MOCOS: variants seen among roughly 807,000 people sequenced by gnomAD.
MOCOS encodes molybdenum cofactor sulfurase.
MOCOS carries 86 observed loss-of-function variants against 83.6 expected under a neutral mutation model. That is an observed-to-expected ratio of 1.03 (90% confidence interval 0.86 to 1.23). The LOEUF (loss-of-function observed/expected upper bound fraction) is 1.23, where lower values mean the gene tolerates loss of function less well. MOCOS is among the 50% of genes most tolerant of loss of function. MOCOS has a pLI of 0.00. For synonymous variants in MOCOS, 445 were observed against 434.7 expected (o/e 1.02, Z -0.29); for missense variants, 1,120 against 1,126.9 (o/e 0.99, Z 0.09).
intron 1 of MOCOS, among the ~76,000 whole-genome samples, chr18:36,194,159 G>T (rs1317582328): frequency 6.6e-6 from 1 of 151,980 alleles, no homozygotes; most frequent in African/African-American, 2.4e-5. Context: ...GGAGTGATTG[G>T]TAATGATATG....
chr18:36,219,578 C>T (rs1240627227), intron 8 of MOCOS, among the ~76,000 whole-genome samples: 2 of 152,092 alleles, frequency 1.3e-5, no homozygotes, highest in African/African-American at 4.8e-5. Flanking sequence ...ACTCAGGAGG[C>T]TGAGGCAGGA....
Position 36,187,638 on chromosome 18 carries a change from C to T in MOCOS, c.99C>T (p.Gly33=). The change falls in exon 1 of 15, where the codon GGC becomes GGT. Residue 33 remains glycine, a synonymous_variant. Transcript: ENST00000261326. ...GGCTAGCCTACGGCTACGGCCCGGG[C>T]AGCCTGCGCGAGCTGCGGGCGCGCG... ...APRLAYGYGP[G]SLRELRAREF... is the part of the protein sequence containing the mutation. 1 of 1,251,006 alleles carries T rather than the reference C, an allele frequency of 8.0e-7. No individual in the cohort carries two copies. Among genetic ancestry groups the T allele is most frequent in the South Asian group, 3.6e-5 (1 of 27,968 alleles). The allele number at this position is 1,251,006 out of a possible 1,614,324, so 77.5% of individuals were successfully genotyped here.
intron 13 of MOCOS, among the ~76,000 whole-genome samples, chr18:36,265,872 A>G (rs1231025602): frequency 6.6e-6 from 1 of 152,148 alleles, no homozygotes; most frequent in African/African-American, 2.4e-5. Flanking sequence ...TACGTGCATG[A>G]TATAATTTTA....
chr18:36,213,797 C>T (rs1322420196), intron 7 of MOCOS, among the ~76,000 whole-genome samples: 2 of 151,968 alleles, frequency 1.3e-5, no homozygotes, highest in African/African-American at 4.8e-5. Context: ...GGCATGATGG[C>T]ATGCGCCTGT....
At chr18:36,237,457 C>G (rs1391301234) in intron 9 of MOCOS, among the ~76,000 whole-genome samples, 1 of 152,150 alleles carries the variant, frequency 6.6e-6, no homozygotes, top group Non-Finnish European at 1.5e-5. Context: ...TATATTGAAC[C>G]AGCCTTGCAT....
rs1236666051 is a variant in MOCOS, at chr18:36,200,284, G to A, written c.901G>A (p.Gly301Arg). Residue 301 changes from glycine (G) to arginine (R), a missense_variant, in exon 4 of 15, where the codon GGA becomes AGA. By Grantham distance (125) the Gly-to-Arg change is moderately radical. Transcript: ENST00000261326. ...AGGGACAGCCTCTGCGTACCTAGCA[G>A]GAGAAGACTTCTACATCCCGAGGCA... ...GGGTASAYLAGEDFYIPRQSV... is the reference protein window; with the variant it reads ...GGGTASAYLAREDFYIPRQSV... 1 of 1,614,162 alleles carries A rather than the reference G, an allele frequency of 6.2e-7. No homozygotes were observed. The highest frequency in any genetic ancestry group is 1.7e-5 in the Admixed American group (1 of 60,020).
At chr18:36,218,851 T>C (rs2091484848) in intron 8 of MOCOS, among the ~76,000 whole-genome samples, 1 of 146,988 alleles carries the variant, frequency 6.8e-6, no homozygotes, top group African/African-American at 2.5e-5. Context: ...ATTTATTTAT[T>C]TATTTATTTA....
intron 6 of MOCOS, among the ~76,000 whole-genome samples, chr18:36,207,398 C>A (rs2091438732): frequency 6.6e-6 from 1 of 152,178 alleles, no homozygotes; most frequent in South Asian, 2.1e-4. Context: ...AGTGGCTAAG[C>A]TAATTTACAT....
intron 13 of MOCOS, among the ~76,000 whole-genome samples, chr18:36,265,672 T>C (rs1343350772): frequency 6.6e-6 from 1 of 152,168 alleles, no homozygotes; most frequent in African/African-American, 2.4e-5. Flanking sequence ...GTATGACCTG[T>C]ATTAAGAAAT....
At chr18:36,223,602 G>A (rs777733676) in intron 9 of MOCOS, among the ~76,000 whole-genome samples, 11 of 152,048 alleles carry the variant, frequency 7.2e-5, no homozygotes, top group Admixed American at 1.3e-4. Context: ...ATGAATTTTA[G>A]GATCGTTCTT....
intron 11 of MOCOS, 51 bp downstream of exon 11, chr18:36,251,334 T>C: frequency 6.2e-7 from 1 of 1,604,960 alleles, no homozygotes; most frequent in Non-Finnish European, 8.5e-7. Flanking sequence ...GGCTTACCCT[T>C]GCACACATCA....
At position 36,201,061 on chromosome 18, in the gene MOCOS, G is replaced by A. The variant is rs373766640; in HGVS notation, c.941+737G>A. 6.8e-4 allele frequency among the ~76,000 whole-genome samples: 104 copies of A among 152,318 alleles called. No homozygotes were observed. In the South Asian group the frequency reaches 0.021, roughly 31 times the overall value. On this transcript the variant is annotated intron_variant, in intron 4 of 14. Transcript: ENST00000261326. ...GACCTGTAAGGTCGAGTGTGTCAAG[G>A]CTGAAAATGGTGGCTGATCCAGGGT...
At position 36,260,226 on chromosome 18, in the gene MOCOS, T is replaced by C. The variant is rs376604601; in HGVS notation, c.2409+51T>C. Reference sequence around the variant, plus strand: ...CTTCCTCCAGGGTTGTCAATGAAGATTGACCTCAATCCCAGACCTGGATAG... The same window carrying C: ...CTTCCTCCAGGGTTGTCAATGAAGACTGACCTCAATCCCAGACCTGGATAG... On this transcript the variant is annotated intron_variant, in intron 13 of 14. Coordinates refer to ENST00000261326, the MANE Select transcript of MOCOS (RefSeq NM_017947.4). The C allele has an allele frequency of 6.0e-5, 96 of 1,612,416 alleles. No homozygotes were observed. In the African/African-American group the frequency reaches 1.2e-3, roughly 20 times the overall value.
At chr18:36,198,369 A>G (rs540690345) in intron 2 of MOCOS, among the ~76,000 whole-genome samples, 14 of 152,214 alleles carry the variant, frequency 9.2e-5, no homozygotes, top group Admixed American at 2.0e-4. Context: ...ATCCTGGGTG[A>G]TGGAGCAAGA....
intron 11 of MOCOS, 86 bp downstream of exon 11, chr18:36,251,369 G>T (rs971185628): frequency 1.3e-6 from 2 of 1,531,458 alleles, no homozygotes; most frequent in African/African-American, 2.7e-5. Context: ...CTGCACTTAC[G>T]GGTGACTTGC....
chr18:36,194,259 TAAGA>T (rs2091378007), intron 1 of MOCOS, among the ~76,000 whole-genome samples: 1 of 152,184 alleles, frequency 6.6e-6, no homozygotes, highest in South Asian at 2.1e-4. Context: ...TTGTATACTT[TAAGA>T]GAGTGAATTT....
intron 13 of MOCOS, among the ~76,000 whole-genome samples, chr18:36,260,660 C>T (rs1033988456): frequency 2.0e-5 from 3 of 152,130 alleles, no homozygotes; most frequent in African/African-American, 7.2e-5. Flanking sequence ...AAAGCCACCA[C>T]GATGTCCTCT....
intron 9 of MOCOS, among the ~76,000 whole-genome samples, chr18:36,221,617 CTGT>C: frequency 1.4e-5 from 1 of 72,012 alleles, no homozygotes; most frequent in East Asian, 3.1e-4. Flanking sequence ...CTGTTCTGTT[CTGT>C]TCTGTTCTGT....
At chr18:36,228,048 C>T (rs1452957793) in intron 9 of MOCOS, among the ~76,000 whole-genome samples, 1 of 152,108 alleles carries the variant, frequency 6.6e-6, no homozygotes, top group Non-Finnish European at 1.5e-5. Flanking sequence ...CAAAAGAAGA[C>T]ATATATGCAG....
Sources: gnomAD v4.1 joint callset for allele counts (sites outside exome capture counted in the v4.1 genomes callset) on GRCh38, gnomAD v4.1.1 for gene constraint, MANE v1.5 for transcripts, NCBI Gene and HGNC (gene_info 2026-07-23, HGNC 2026-07-21) for gene names.